The following GABPB2 variants were observed in gnomAD, a reference collection of about 807,000 sequenced individuals.
GABPB2 encodes GA binding protein transcription factor subunit beta 2.
GABPB2 carries 23 observed loss-of-function variants against 39.1 expected under a neutral mutation model. The observed-to-expected ratio is 0.59, with a 90% CI of 0.42 to 0.83. GABPB2 has a LOEUF of 0.83. Ranked by LOEUF, GABPB2 falls within the 40% of genes least tolerant of loss-of-function variation. GABPB2 has a pLI of 0.00. For synonymous variants in GABPB2, 184 were observed against 199.3 expected (o/e 0.92, Z 0.65); for missense variants, 467 against 541.1 (o/e 0.86, Z 1.36).
rs587594103 is a variant in GABPB2 at position 151,124,770 on chromosome 1, A to G, written c.*6514A>G. The G allele has an allele frequency of 6.6e-4, 100 of 151,794 alleles. 1 individual carries two copies. The highest frequency in any genetic ancestry group is 2.2e-3 in the African/African-American group (91 of 41,344). The allele number at this position is 151,794 out of a possible 1,614,324, so 9.4% of individuals were successfully genotyped here. A position where few individuals can be genotyped will look rare whatever the true frequency, so the allele number is the denominator to read the frequency against. ...GTGGTGACTATATCTCAGAAGTACT[A>G]CCCCTTCTGAGTAGTACTATTATTT... On this transcript the variant is annotated 3_prime_UTR_variant, in exon 9 of 9. Coordinates refer to ENST00000368918, the MANE Select transcript of GABPB2 (RefSeq NM_144618.3).
At position 151,077,358 on chromosome 1, in the gene GABPB2, T is replaced by TTG. The variant is rs1447158728; in HGVS notation, c.-1+6425_-1+6426insGT. On this transcript the variant is annotated intron_variant, in intron 1 of 8. Coordinates refer to ENST00000368918, the MANE Select transcript of GABPB2 (RefSeq NM_144618.3). ...GGAGGAATTTATCCAACTCATAGGTTTTTTTTTTTTTTTTTTTGAGATGGA... is the reference window on the plus strand; with the variant it reads ...GGAGGAATTTATCCAACTCATAGGTTTGTTTTTTTTTTTTTTTTTGAGATGGA... Among the ~76,000 whole-genome samples the TTG allele has an allele frequency of 7.6e-5, 9 of 118,858 alleles. No homozygotes were observed. The South Asian group carries it at 9.8e-4, about 13-fold the overall frequency. 78.0% of individuals were successfully genotyped at this position (118,858 alleles called of 152,430 possible).
Position 151,102,362 on chromosome 1 carries a change from ACT to A in GABPB2, c.623-1199_623-1198del, listed in dbSNP as rs1225061480. Among the ~76,000 whole-genome samples the A allele has an allele frequency of 1.7e-4, 26 of 152,294 alleles. No individual in the cohort carries two copies. The East Asian group carries it at 5.0e-3, about 29-fold the overall frequency. On this transcript the variant is annotated intron_variant, in intron 5 of 8. Transcript: ENST00000368918. The stretch of plus-strand genomic sequence containing the variant: ...AAAAATAAAAGTACATCTTGACATA[ACT>A]AAAGTATTTTTAACATTTAGCGTTT...
chr1:151,102,403 A>C (rs951521540), intron 5 of GABPB2, among the ~76,000 whole-genome samples: 1 of 152,180 alleles, frequency 6.6e-6, no homozygotes, highest in Non-Finnish European at 1.5e-5. Context: ...GTGTTAATCT[A>C]TTGTACTACC....
rs368599644 is a variant in GABPB2, at chr1:151,088,204, C to T, written c.15C>T (p.Asp5=). Residue 5 remains aspartate, a synonymous_variant, in exon 2 of 9, where the codon GAC becomes GAT. Coordinates refer to ENST00000368918, the MANE Select transcript of GABPB2 (RefSeq NM_144618.3). ...TATGCATAAAGATGTCTTTGGTGGA[C>T]TTGGGAAAGAGGTTGCTAGAAGCAG... MSLV[D]LGKRLLEAAR... 2.0e-4 allele frequency: 320 copies of T among 1,613,782 alleles called. No individual in the cohort carries two copies. The highest frequency in any genetic ancestry group is 2.6e-4 in the Non-Finnish European group (303 of 1,179,876).
intron 6 of GABPB2, among the ~76,000 whole-genome samples, chr1:151,105,158 G>A (rs969502383): frequency 1.3e-5 from 2 of 151,884 alleles, no homozygotes; most frequent in Non-Finnish European, 2.9e-5. Context: ...CGCCCACCTC[G>A]GCCTTCCAAA....
At chr1:151,107,674 G>A (rs879534031) in intron 7 of GABPB2, among the ~76,000 whole-genome samples, 6 of 152,032 alleles carry the variant, frequency 3.9e-5, no homozygotes, top group Admixed American at 1.3e-4. Context: ...GGCGGCTCAC[G>A]GCTGTAATCC....
intron 1 of GABPB2, among the ~76,000 whole-genome samples, chr1:151,072,147 C>G (rs1169413782): frequency 6.6e-6 from 1 of 152,234 alleles, no homozygotes; most frequent in Non-Finnish European, 1.5e-5. Context: ...ACTGCCCCAT[C>G]CAGATTCTTA....
At chr1:151,081,161 C>T (rs1677657663) in intron 1 of GABPB2, among the ~76,000 whole-genome samples, 1 of 151,536 alleles carries the variant, frequency 6.6e-6, no homozygotes, top group African/African-American at 2.4e-5. Context: ...GCATGAGCCA[C>T]CACACCCGGC....
intron 1 of GABPB2, among the ~76,000 whole-genome samples, chr1:151,073,998 T>TG (rs1277619889): frequency 1.3e-5 from 2 of 149,562 alleles, no homozygotes; most frequent in African/African-American, 2.4e-5. Context: ...TTTTTTTTTT[T>TG]GAGAGTCTTG....
chr1:151,086,337 ATAAT>A (rs1180227249), intron 1 of GABPB2, among the ~76,000 whole-genome samples: 1 of 152,198 alleles, frequency 6.6e-6, no homozygotes, highest in Non-Finnish European at 1.5e-5. Flanking sequence ...AATACAATTA[ATAAT>A]TTTTGCTGTG....
chr1:151,080,261 A>G (rs1677556442), intron 1 of GABPB2, among the ~76,000 whole-genome samples: 1 of 145,018 alleles, frequency 6.9e-6, no homozygotes, highest in African/African-American at 2.5e-5. Context: ...TTAGCTGGGT[A>G]TGGTGGTGGG....
intron 7 of GABPB2, among the ~76,000 whole-genome samples, chr1:151,116,791 T>C (rs954280297): frequency 6.6e-6 from 1 of 152,076 alleles, no homozygotes; most frequent in Admixed American, 6.6e-5. Flanking sequence ...GTATTTTTTT[T>C]GCGGAGACAG....
chr1:151,077,259 G>A (rs957789138), intron 1 of GABPB2, among the ~76,000 whole-genome samples: 1 of 151,824 alleles, frequency 6.6e-6, no homozygotes, highest in Admixed American at 6.6e-5. Flanking sequence ...CCTGATCTGT[G>A]GTAAGTAAAG....
intron 1 of GABPB2, among the ~76,000 whole-genome samples, chr1:151,074,234 C>A (rs1676968040): frequency 6.6e-6 from 1 of 150,802 alleles, no homozygotes; most frequent in Non-Finnish European, 1.5e-5. Flanking sequence ...CTCAGCCTCC[C>A]AAAGTGCTAG....
At chr1:151,076,319 T>G (rs1489867822) in intron 1 of GABPB2, among the ~76,000 whole-genome samples, 1 of 152,208 alleles carries the variant, frequency 6.6e-6, no homozygotes, top group Non-Finnish European at 1.5e-5. Flanking sequence ...TACCCATTCC[T>G]TTTGTTTCTT....
In GABPB2 at chr1:151,121,565, A is replaced by G. The variant is rs906434320; in HGVS notation, c.*3309A>G. 1 of 152,114 alleles carries G rather than the reference A, an allele frequency of 6.6e-6. No homozygotes were observed. The highest frequency in any genetic ancestry group is 2.4e-5 in the African/African-American group (1 of 41,332). 9.4% of individuals were successfully genotyped at this position (152,114 alleles called of 1,614,324 possible). A position where few individuals can be genotyped will look rare whatever the true frequency, so the allele number is the denominator to read the frequency against. ...GTGATTCTCCTGCCTCAGCCTCCCG[A>G]GTAGCTGGGACTACAGGCATGCGCC... On this transcript the variant is annotated 3_prime_UTR_variant, in exon 9 of 9. Coordinates refer to ENST00000368918, the MANE Select transcript of GABPB2 (RefSeq NM_144618.3).
chr1:151,118,492 T>C lies in GABPB2; in HGVS notation c.*236T>C. The C allele has an allele frequency of 2.2e-6, 1 of 445,894 alleles. No homozygotes were observed. The highest frequency in any genetic ancestry group is 4.0e-6 in the Non-Finnish European group (1 of 250,510). The allele number at this position is 445,894 out of a possible 1,614,324, so 27.6% of individuals were successfully genotyped here. ...AAAGGACCAAATTTCTTAGCTCATA[T>C]CATTGCTTTAAACATAGAAGTAAAA... On this transcript the variant is annotated 3_prime_UTR_variant, in exon 9 of 9. Coordinates refer to ENST00000368918, the MANE Select transcript of GABPB2 (RefSeq NM_144618.3).
At chr1:151,086,942 C>T (rs1678255529) in intron 1 of GABPB2, among the ~76,000 whole-genome samples, 2 of 152,176 alleles carry the variant, frequency 1.3e-5, no homozygotes, top group South Asian at 4.1e-4. Context: ...GCAACATCCA[C>T]CTCCCAGGTT....
chr1:151,072,388 GA>G (rs201952251), intron 1 of GABPB2, among the ~76,000 whole-genome samples: 2,970 of 151,302 alleles, frequency 0.02, 83 homozygotes, highest in African/African-American at 0.067. Context: ...TCGGTACAGA[GA>G]AAAAAAAATT....
Sources: gnomAD v4.1 joint callset for allele counts (sites outside exome capture counted in the v4.1 genomes callset) on GRCh38, gnomAD v4.1.1 for gene constraint, MANE v1.5 for transcripts, NCBI Gene and HGNC (gene_info 2026-07-23, HGNC 2026-07-21) for gene names.